The following STK32B variants were observed in gnomAD, a reference collection of about 807,000 sequenced individuals.
STK32B encodes the protein serine/threonine-protein kinase 32B.
A neutral mutation model predicts 52.6 loss-of-function variants in STK32B; 43 were observed. The observed-to-expected ratio is 0.82, with a 90% CI of 0.64 to 1.05. The LOEUF is 1.05. Ranked by LOEUF, STK32B falls within the 50% of genes least tolerant of loss-of-function variation. The pLI, the probability that STK32B is intolerant of heterozygous loss-of-function variation, is 0.00. For missense variants in STK32B, 621 were observed against 534.6 expected, an observed-to-expected ratio of 1.16 and a Z score of -1.59; for synonymous variants, 238 against 204.3, an observed-to-expected ratio of 1.17 and a Z score of -1.41.
chr4:5,135,829 C>T (rs1716043268), intron 1 of STK32B, among the ~76,000 whole-genome samples: 1 of 152,204 alleles, frequency 6.6e-6, no homozygotes, highest in Non-Finnish European at 1.5e-5. Context: ...CCAAAAATGT[C>T]TCCATCTCAT....
intron 2 of STK32B, among the ~76,000 whole-genome samples, chr4:5,158,899 C>CA (rs1718084773): frequency 6.6e-6 from 1 of 152,134 alleles, no homozygotes; most frequent in Non-Finnish European, 1.5e-5. Flanking sequence ...TCCTGAGGTG[C>CA]TAGGGGTTAG....
At chr4:5,302,468 C>T (rs748470876) in intron 3 of STK32B, among the ~76,000 whole-genome samples, 4 of 152,188 alleles carry the variant, frequency 2.6e-5, no homozygotes, top group Non-Finnish European at 5.9e-5. Flanking sequence ...TTTAGATCTA[C>T]AAGCCTTCTG....
chr4:5,195,134 C>T (rs1437462771), intron 3 of STK32B, among the ~76,000 whole-genome samples: 8 of 152,066 alleles, frequency 5.3e-5, no homozygotes, highest in African/African-American at 4.8e-5. Flanking sequence ...AGTGCATTGG[C>T]GCAATCGTAG....
chr4:5,473,335 C>T (rs969142418), intron 11 of STK32B, among the ~76,000 whole-genome samples: 6 of 152,180 alleles, frequency 3.9e-5, no homozygotes, highest in African/African-American at 1.4e-4. Flanking sequence ...AAGTGGGTGG[C>T]CTTGAGGGTT....
At chr4:5,177,218 T>C (rs1367542334) in intron 3 of STK32B, among the ~76,000 whole-genome samples, 4 of 152,142 alleles carry the variant, frequency 2.6e-5, no homozygotes, top group Non-Finnish European at 4.4e-5. Flanking sequence ...AGGAAACTTA[T>C]AATCAGGGCA....
chr4:5,216,401 T>C (rs1035602724), intron 3 of STK32B, among the ~76,000 whole-genome samples: 1 of 152,152 alleles, frequency 6.6e-6, no homozygotes, highest in African/African-American at 2.4e-5. Flanking sequence ...TGGAACTTAC[T>C]GGACATACAA....
intron 3 of STK32B, among the ~76,000 whole-genome samples, chr4:5,183,392 G>T (rs949126910): frequency 6.6e-6 from 1 of 151,510 alleles, no homozygotes; most frequent in African/African-American, 2.4e-5. Flanking sequence ...CAGGAGAATC[G>T]CTTGAACTGA....
rs78965909 is a variant in STK32B, at chr4:5,428,612, A to T, written c.562+11678A>T. 4.1e-3 allele frequency among the ~76,000 whole-genome samples: 619 copies of T among 152,302 alleles called. 6 individuals are homozygous for T. The highest frequency in any genetic ancestry group is 0.014 in the African/African-American group (587 of 41,564). ...ATATTACATGCAAACTTGCAAAAATATGTATTGTCTTCTTTGGTCCTGTGT... is the reference window on the plus strand; with the variant it reads ...ATATTACATGCAAACTTGCAAAAATTTGTATTGTCTTCTTTGGTCCTGTGT... On this transcript the variant is annotated intron_variant, in intron 6 of 11. Coordinates refer to ENST00000282908, the MANE Select transcript of STK32B (RefSeq NM_018401.3).
At chr4:5,491,197 A>C (rs900508003) in intron 11 of STK32B, among the ~76,000 whole-genome samples, 1 of 152,192 alleles carries the variant, frequency 6.6e-6, no homozygotes, top group East Asian at 1.9e-4. Flanking sequence ...CCAACAGTGT[A>C]AAAGTGTTCC....
At chr4:5,269,800 T>C (rs183137201) in intron 3 of STK32B, among the ~76,000 whole-genome samples, 21 of 150,350 alleles carry the variant, frequency 1.4e-4, no homozygotes, top group East Asian at 1.9e-4. Flanking sequence ...TCTAACATTA[T>C]GTGATATGAA....
Position 5,384,562 on chromosome 4 carries a change from T to C in STK32B, c.435-13645T>C, listed in dbSNP as rs145856957. 1.8e-3 allele frequency among the ~76,000 whole-genome samples: 279 copies of C among 152,240 alleles called. 1 individual carries two copies. Among genetic ancestry groups the C allele is most frequent in the South Asian group, 0.014 (66 of 4,816 alleles). ...GAAACTCAATTCCCTGGTTGTATTTTTCTGCAGCCACGTTCAGCTGGGTGG... is the reference window on the plus strand; with the variant it reads ...GAAACTCAATTCCCTGGTTGTATTTCTCTGCAGCCACGTTCAGCTGGGTGG... On this transcript the variant is annotated intron_variant, in intron 4 of 11. Transcript: ENST00000282908.
rs1560175542 is a variant in STK32B, at chr4:5,144,791, TCCATCCATC to T, written c.108+4833_108+4841del. Among the ~76,000 whole-genome samples the T allele has an allele frequency of 5.3e-5, 7 of 130,868 alleles. 1 individual carries two copies. The highest frequency in any genetic ancestry group is 1.8e-4 in the African/African-American group (6 of 32,696). The allele number at this position is 130,868 out of a possible 152,430, so 85.9% of individuals were successfully genotyped here. The stretch of plus-strand genomic sequence containing the variant: ...GTTAATTCACTCATTCACTCATCCA[TCCATCCATC>T]CATCCATCCATCCATCCATCCATCC... On this transcript the variant is annotated intron_variant, in intron 2 of 11. Transcript: ENST00000282908.
intron 3 of STK32B, among the ~76,000 whole-genome samples, chr4:5,210,782 T>C (rs890309643): frequency 2.0e-5 from 3 of 151,618 alleles, no homozygotes; most frequent in African/African-American, 7.3e-5. Flanking sequence ...TGAAGTAAAT[T>C]AAGTTTTAGA....
intron 3 of STK32B, among the ~76,000 whole-genome samples, chr4:5,180,562 C>G (rs1056910190): frequency 6.6e-6 from 1 of 152,142 alleles, no homozygotes; most frequent in Non-Finnish European, 1.5e-5. Flanking sequence ...TATCTCTTCC[C>G]TGATGGATCT....
chr4:5,186,878 C>T lies in STK32B; in HGVS notation c.260+18428C>T, dbSNP rs144702811. Among the ~76,000 whole-genome samples, 168 of 152,282 alleles carry T rather than the reference C, an allele frequency of 1.1e-3. 1 individual carries two copies. The highest frequency in any genetic ancestry group is 1.7e-3 in the Non-Finnish European group (114 of 68,016). Reference sequence around the variant, plus strand: ...AAAGATACCAGGTGTGTAATGTTTTCTTTGTAAGTGACATGAGTTTGTTAT... The same window carrying T: ...AAAGATACCAGGTGTGTAATGTTTTTTTTGTAAGTGACATGAGTTTGTTAT... On this transcript the variant is annotated intron_variant, in intron 3 of 11. Transcript: ENST00000282908.
At chr4:5,125,434 G>C (rs966366121) in intron 1 of STK32B, among the ~76,000 whole-genome samples, 1 of 152,208 alleles carries the variant, frequency 6.6e-6, no homozygotes, top group African/African-American at 2.4e-5. Flanking sequence ...CCCCCTCCCT[G>C]AGCAGCTTAT....
chr4:5,401,710 C>G (rs1737301330), intron 5 of STK32B, among the ~76,000 whole-genome samples: 1 of 152,212 alleles, frequency 6.6e-6, no homozygotes, highest in African/African-American at 2.4e-5. Context: ...ATCATAAGAT[C>G]AAGACAATGG....
chr4:5,450,750 C>T (rs977309249), intron 7 of STK32B, among the ~76,000 whole-genome samples: 1 of 152,082 alleles, frequency 6.6e-6, no homozygotes, highest in African/African-American at 2.4e-5. Flanking sequence ...TGTTAATTAC[C>T]CAGCTCCAAG....
chr4:5,482,977 G>C (rs1413895148), intron 11 of STK32B, among the ~76,000 whole-genome samples: 5 of 152,196 alleles, frequency 3.3e-5, no homozygotes, highest in Non-Finnish European at 7.3e-5. Context: ...TGTGCTGCTG[G>C]ATTCGGTTTG....
Sources: allele counts gnomAD v4.1 joint callset (sites outside exome capture counted in the v4.1 genomes callset), GRCh38; gene constraint gnomAD v4.1.1; transcripts MANE v1.5; gene names NCBI Gene and HGNC (gene_info 2026-07-23, HGNC 2026-07-21).